The following TOR1AIP2 variants were observed in gnomAD, a reference collection of about 807,000 sequenced individuals.
TOR1AIP2 encodes the protein torsin-1A-interacting protein 2.
TOR1AIP2 carries 20 observed loss-of-function variants against 32.6 expected under a neutral mutation model. The ratio of observed to expected loss-of-function variants is 0.61; its 90% CI spans 0.43 to 0.89. The LOEUF (loss-of-function observed/expected upper bound fraction) is 0.89, where lower values mean the gene tolerates loss of function less well. Among genes scored for constraint, TOR1AIP2 ranks in the 40% least tolerant of loss-of-function variants. The pLI is 0.00. For synonymous variants in TOR1AIP2, 214 were observed against 210.8 expected, an observed-to-expected ratio of 1.02 and a Z score of -0.13; for missense variants, 456 against 553.8, an observed-to-expected ratio of 0.82 and a Z score of 1.77.
At chr1:179,853,911 G>T (rs953762742) in intron 3 of TOR1AIP2, among the ~76,000 whole-genome samples, 1 of 152,114 alleles carries the variant, frequency 6.6e-6, no homozygotes, top group African/African-American at 2.4e-5. Flanking sequence ...AGGGTTCCTT[G>T]TCAGCTCTTT....
rs376004069 is a variant in TOR1AIP2 at position 179,846,096 on chromosome 1, A to G, written c.1388T>C (p.Ile463Thr). The G allele has an allele frequency of 9.3e-6, 15 of 1,614,022 alleles. No homozygotes were observed. The East Asian group carries it at 1.8e-4, about 19-fold the overall frequency. Residue 463 changes from isoleucine (I) to threonine (T), a missense_variant, in exon 7 of 7, where the codon ATA becomes ACA. Coordinates refer to ENST00000609928, the MANE Select transcript of TOR1AIP2 (RefSeq NM_001199260.2). ...LVLPVQPVSS[I>T]EEQGCLF ...TTAGAAAAGGCACCCCTGTTCTTCT[A>G]TGCTACTCACTGGCTGGACTGGCAG... is the stretch of plus-strand genomic sequence containing the variant.
intron 2 of TOR1AIP2, among the ~76,000 whole-genome samples, chr1:179,866,848 C>T (rs1162209264): frequency 6.6e-6 from 1 of 152,192 alleles, no homozygotes; most frequent in African/African-American, 2.4e-5. Context: ...ATCATCTTTG[C>T]ATTCCTTCAT....
At chr1:179,862,083 T>C (rs1458546249) in intron 3 of TOR1AIP2, 2 of 985,256 alleles carry the variant, frequency 2.0e-6, no homozygotes, top group African/African-American at 1.7e-5. Flanking sequence ...CCAAGAAATC[T>C]CCATTTTTAA....
chr1:179,850,912 C>T lies in TOR1AIP2; in HGVS notation c.486G>A (p.Gln162=). 1 of 1,614,222 alleles carries T rather than the reference C, an allele frequency of 6.2e-7. No homozygotes were observed. Among genetic ancestry groups the T allele is most frequent in the South Asian group, 1.1e-5 (1 of 91,088 alleles). ...EPPTTDSQEA[Q]SPGHSSAGQE... ...GCCCTGCACTGGAATGACCAGGACT[C>T]TGGGCCTCCTGGGAGTCTGTAGTAG... The change falls in exon 5 of 7, where the codon CAG becomes CAA. Residue 162 remains glutamine (Q), a synonymous_variant. Transcript: ENST00000609928.
intron 6 of TOR1AIP2, among the ~76,000 whole-genome samples, 180 bp downstream of exon 6, chr1:179,847,355 C>T (rs552185434): frequency 6.6e-6 from 1 of 152,202 alleles, no homozygotes; most frequent in Non-Finnish European, 1.5e-5. Flanking sequence ...AGCCAGCACC[C>T]GTAAGGGAAA....
At chr1:179,861,079 G>C (rs562750555) in intron 3 of TOR1AIP2, 16 of 985,192 alleles carry the variant, frequency 1.6e-5, no homozygotes, top group Non-Finnish European at 1.9e-5. Context: ...TCACTCCCTG[G>C]ACTGCCATAA....
rs1695806811 is a variant in TOR1AIP2, at chr1:179,843,845, CTT to C, written c.*2224_*2225del. On this transcript the variant is annotated 3_prime_UTR_variant, in exon 7 of 7. Coordinates refer to ENST00000609928, the MANE Select transcript of TOR1AIP2 (RefSeq NM_001199260.2). ...CAAAAAAAAAAAAAAAAAAAAAAGA[CTT>C]TTGAAATAGCAGACAGAAAACTGAC... The C allele has an allele frequency of 1.4e-5, 2 of 140,576 alleles. No individual in the cohort carries two copies. Among genetic ancestry groups the C allele is most frequent in the African/African-American group, 2.6e-5 (1 of 38,198 alleles). 8.7% of individuals were successfully genotyped at this position (140,576 alleles called of 1,614,324 possible). A position where few individuals can be genotyped will look rare whatever the true frequency, so the allele number is the denominator to read the frequency against.
chr1:179,874,966 T>TTC (rs758176758), intron 2 of TOR1AIP2: 32 of 152,502 alleles, frequency 2.1e-4, no homozygotes, highest in African/African-American at 4.8e-4. Flanking sequence ...GACTTGGTGT[T>TTC]TCTCTCTCTC....
chr1:179,856,533 CAAGG>C (rs1436554861), intron 3 of TOR1AIP2, among the ~76,000 whole-genome samples: 3 of 152,162 alleles, frequency 2.0e-5, no homozygotes, highest in Non-Finnish European at 2.9e-5. Context: ...GTGGGACAAA[CAAGG>C]AAGTTCTTGA....
chr1:179,859,276 C>T (rs976465718), intron 3 of TOR1AIP2: 3 of 833,040 alleles, frequency 3.6e-6, no homozygotes, highest in African/African-American at 1.9e-5. Flanking sequence ...TCACAACAAT[C>T]TTATGAGGTG....
rs1484637195 is a variant in TOR1AIP2, at chr1:179,843,543, T to A, written c.*2528A>T. ...AAAAAAAAAAAAAAAGAAGTTTGGT[T>A]GGGTGCATTGGGTCACATCTGTAAT... On this transcript the variant is annotated 3_prime_UTR_variant, in exon 7 of 7. Transcript: ENST00000609928. The A allele has an allele frequency of 1.4e-5, 2 of 147,758 alleles. No individual in the cohort carries two copies. Among genetic ancestry groups the A allele is most frequent in the Non-Finnish European group, 3.0e-5 (2 of 67,662 alleles). 9.2% of individuals were successfully genotyped at this position (147,758 alleles called of 1,614,324 possible). A position where few individuals can be genotyped will look rare whatever the true frequency, so the allele number is the denominator to read the frequency against.
chr1:179,861,363 G>T, intron 3 of TOR1AIP2: 1 of 985,432 alleles, frequency 1.0e-6, no homozygotes, highest in Non-Finnish European at 1.2e-6. Context: ...AAGACCTAAG[G>T]TGAAAAGCTT....
At chr1:179,866,184 G>A (rs765932466) in intron 2 of TOR1AIP2, among the ~76,000 whole-genome samples, 12 of 151,516 alleles carry the variant, frequency 7.9e-5, no homozygotes, top group Non-Finnish European at 1.8e-4. Context: ...TGAAATGGGT[G>A]CCACATATGG....
At chr1:179,852,499 TCAAAA>T (rs1221126332) in intron 4 of TOR1AIP2, 128 bp downstream of exon 4, 2 of 844,854 alleles carry the variant, frequency 2.4e-6, no homozygotes, top group Admixed American at 2.2e-5. Flanking sequence ...ATAAGTATAA[TCAAAA>T]CAAATGAACC....
At chr1:179,863,960 A>G (rs1350768672) in intron 3 of TOR1AIP2, 19 of 985,302 alleles carry the variant, frequency 1.9e-5, no homozygotes, top group Non-Finnish European at 2.3e-5. Context: ...TAGACTGTTC[A>G]TAATATATAT....
At chr1:179,847,823 C>G (rs1695967829) in intron 5 of TOR1AIP2, among the ~76,000 whole-genome samples, 187 bp from the exon 6 acceptor site, 1 of 152,058 alleles carries the variant, frequency 6.6e-6, no homozygotes, top group Admixed American at 6.5e-5. Context: ...CACTTGGGGT[C>G]AGGAGTTTGA....
intron 2 of TOR1AIP2, chr1:179,873,602 T>C (rs927401842): frequency 3.3e-5 from 5 of 152,218 alleles, no homozygotes; most frequent in Admixed American, 2.6e-4. Context: ...TTTGAGACTA[T>C]GTAAATATTC....
chr1:179,877,007 A>C (rs1190687067), intron 2 of TOR1AIP2, among the ~76,000 whole-genome samples: 3 of 150,474 alleles, frequency 2.0e-5, no homozygotes, highest in Admixed American at 1.3e-4. Flanking sequence ...TTTTTTAAGT[A>C]TTATCTTTTC....
intron 3 of TOR1AIP2, among the ~76,000 whole-genome samples, chr1:179,854,010 T>TA (rs1014224226): frequency 6.6e-6 from 1 of 152,104 alleles, no homozygotes; most frequent in Non-Finnish European, 1.5e-5. Flanking sequence ...TGACAGAAAA[T>TA]AAAAAGTCCC....
Sources: gnomAD v4.1 joint callset for allele counts (sites outside exome capture counted in the v4.1 genomes callset) on GRCh38, gnomAD v4.1.1 for gene constraint, MANE v1.5 for transcripts, NCBI Gene and HGNC (gene_info 2026-07-23, HGNC 2026-07-21) for gene names.